TEX9: variants seen among roughly 807,000 people sequenced by gnomAD.
TEX9 encodes testis expressed 9.
A neutral mutation model predicts 59.6 loss-of-function variants in TEX9; 74 were observed. The ratio of observed to expected loss-of-function variants is 1.24; its 90% CI spans 1.03 to 1.51. The LOEUF is 1.51. Among genes scored for constraint, TEX9 ranks in the 40% most tolerant of loss-of-function variants. The pLI is 0.00. For synonymous variants in TEX9, 186 were observed against 152.2 expected (o/e 1.22, Z -1.64); for missense variants, 522 against 447.8 (o/e 1.17, Z -1.49).
At chr15:56,446,934 A>G, downstream of TEX9, 3 of 1,607,156 alleles carry the variant, frequency 1.9e-6, no homozygotes, top group Non-Finnish European at 1.7e-6. Context: ...CCAATTCTCT[A>G]AGCTCAATGC....
chr15:56,439,550 A>C (rs1230653736), intron 12 of TEX9, among the ~76,000 whole-genome samples: 5 of 152,160 alleles, frequency 3.3e-5, no homozygotes, highest in Non-Finnish European at 7.4e-5. Flanking sequence ...TAGAGACCAC[A>C]GGAATAGACC....
At chr15:56,399,636 G>A (rs2048670142) in intron 9 of TEX9, among the ~76,000 whole-genome samples, 1 of 152,208 alleles carries the variant, frequency 6.6e-6, no homozygotes, top group Non-Finnish European at 1.5e-5. Context: ...TTTGAGCTCT[G>A]AGAATGGACA....
chr15:56,300,690 A>AGAGAGAGGGAGG lies in TEX9; in HGVS notation c.-107+56419_-107+56420insGGAGGGAGAGAG, dbSNP rs1268367074. Among the ~76,000 whole-genome samples the AGAGAGAGGGAGG allele has an allele frequency of 3.5e-4, 19 of 54,256 alleles. 1 individual carries two copies. Among genetic ancestry groups the AGAGAGAGGGAGG allele is most frequent in the African/African-American group, 1.0e-3 (16 of 15,982 alleles). The allele number at this position is 54,256 out of a possible 152,430, so 35.6% of individuals were successfully genotyped here. A position where few individuals can be genotyped will look rare whatever the true frequency, so the allele number is the denominator to read the frequency against. ...TCCAGTTCCAAGCAACTCAGCAGAG[A>AGAGAGAGGGAGG]GAGAGAGAGAGAGAGAGGGAGAGAG... On this transcript the variant is annotated intron_variant, in intron 1 of 5. Transcript: ENST00000560827.
intron 12 of TEX9, chr15:56,428,885 T>C (rs2050459256): frequency 6.0e-6 from 3 of 497,332 alleles, no homozygotes; most frequent in Non-Finnish European, 1.1e-5. Flanking sequence ...TGTAGTGTTG[T>C]AGAAATCGGA....
At chr15:56,438,325 A>C (rs770427014) in intron 12 of TEX9, among the ~76,000 whole-genome samples, 1 of 151,990 alleles carries the variant, frequency 6.6e-6, no homozygotes, top group Non-Finnish European at 1.5e-5. Flanking sequence ...ATCTACAACC[A>C]TCTGCTCTTT....
At chr15:56,295,637 A>G (rs1053687909) in intron 1 of TEX9, among the ~76,000 whole-genome samples, 1 of 152,236 alleles carries the variant, frequency 6.6e-6, no homozygotes, top group Non-Finnish European at 1.5e-5. Context: ...AAAGGAGGCG[A>G]TATTTTATCA....
intron 9 of TEX9, chr15:56,398,205 C>G (rs1489138943): frequency 6.6e-6 from 1 of 152,052 alleles, no homozygotes; most frequent in Non-Finnish European, 1.5e-5. Flanking sequence ...TTGAAGAATT[C>G]ATGTAAAACA....
chr15:56,295,374 C>G (rs775708991), intron 1 of TEX9, among the ~76,000 whole-genome samples: 10 of 152,144 alleles, frequency 6.6e-5, no homozygotes, highest in Non-Finnish European at 1.2e-4. Flanking sequence ...AATAACTCAC[C>G]AAGTATCCTT....
intron 1 of TEX9, among the ~76,000 whole-genome samples, chr15:56,278,884 AT>A (rs2141442387): frequency 6.6e-6 from 1 of 152,186 alleles, no homozygotes; most frequent in East Asian, 1.9e-4. Context: ...GAATTAGCAA[AT>A]TTCCTGGGGG....
intron 1 of TEX9, among the ~76,000 whole-genome samples, chr15:56,355,476 C>G (rs12324006): frequency 0.3 from 45,414 of 151,980 alleles, 7,685 homozygotes; most frequent in Middle Eastern, 0.47. Flanking sequence ...CATTGATTTA[C>G]ATGTCTGCAT....
chr15:56,367,828 G>T (rs1046498555), intron 2 of TEX9, among the ~76,000 whole-genome samples: 13 of 152,000 alleles, frequency 8.6e-5, no homozygotes, highest in African/African-American at 2.9e-4. Context: ...TTTCTAATTG[G>T]TTATAAATGT....
intron 1 of TEX9, among the ~76,000 whole-genome samples, chr15:56,245,981 C>G (rs1464597883): frequency 6.6e-6 from 1 of 152,080 alleles, no homozygotes; most frequent in Non-Finnish European, 1.5e-5. Flanking sequence ...TTGCAACACC[C>G]TGGGAGGGGG....
chr15:56,450,379 C>A (rs77480592), downstream of TEX9, among the ~76,000 whole-genome samples: 24 of 152,072 alleles, frequency 1.6e-4, no homozygotes, highest in African/African-American at 5.1e-4. Flanking sequence ...TTCATTCCCC[C>A]CAAAGAGAAA....
At chr15:56,434,039 T>C in intron 12 of TEX9, 2 of 1,292,466 alleles carry the variant, frequency 1.5e-6, no homozygotes, top group Non-Finnish European at 2.1e-6. Flanking sequence ...ACTAACATTG[T>C]CTGGCATATA....
chr15:56,369,698 G>A (rs1383068438), intron 2 of TEX9, among the ~76,000 whole-genome samples: 3 of 152,110 alleles, frequency 2.0e-5, no homozygotes, highest in African/African-American at 7.2e-5. Flanking sequence ...CTTATTTGTG[G>A]CCAAGTGCTT....
chr15:56,439,585 T>C (rs1299980656), intron 12 of TEX9, among the ~76,000 whole-genome samples: 3 of 152,090 alleles, frequency 2.0e-5, no homozygotes. Context: ...AACTGTGTTT[T>C]AAGAAAGGTG....
At chr15:56,385,009 A>G (rs2047898825) in intron 4 of TEX9, among the ~76,000 whole-genome samples, 2 of 152,154 alleles carry the variant, frequency 1.3e-5, no homozygotes, top group African/African-American at 4.8e-5. Flanking sequence ...AGGTTCTTTG[A>G]TCCATTTTGA....
At chr15:56,456,857 A>G in the TEX9 span, among the ~76,000 whole-genome samples, 1 of 152,100 alleles carries the variant, frequency 6.6e-6, no homozygotes, top group Non-Finnish European at 1.5e-5. Context: ...GGTGTTTTAA[A>G]ACAATCCTAG....
rs71456382 is a variant in TEX9 at position 56,339,383 on chromosome 15, C to CAAAAAAAAAAA, written c.-106-34037_-106-34027dup. ...GGGTGTCAGAGCAAGACTCCTTCTC[C>CAAAAAAAAAAA]AAAAAAAAAAAAAAAAAAAAAAAAA... On this transcript the variant is annotated intron_variant, in intron 1 of 5. Transcript: ENST00000560827. Among the ~76,000 whole-genome samples the CAAAAAAAAAAA allele has an allele frequency of 2.7e-3, 84 of 30,740 alleles. 12 individuals carry two copies. The highest frequency in any genetic ancestry group is 5.5e-3 in the African/African-American group (46 of 8,318). The allele number at this position is 30,740 out of a possible 152,430, so 20.2% of individuals were successfully genotyped here.
Sources: gnomAD v4.1 joint callset for allele counts (sites outside exome capture counted in the v4.1 genomes callset) on GRCh38, gnomAD v4.1.1 for gene constraint, MANE v1.5 for transcripts, NCBI Gene and HGNC (gene_info 2026-07-23, HGNC 2026-07-21) for gene names.